The following GAPVD1 variants were observed in gnomAD, a reference collection of about 807,000 sequenced individuals.
The protein encoded by GAPVD1 is GTPase-activating protein and VPS9 domain-containing protein 1.
A neutral mutation model predicts 155.5 loss-of-function variants in GAPVD1; 35 were observed. The observed-to-expected ratio is 0.23, with a 90% confidence interval of 0.17 to 0.30. The LOEUF (loss-of-function observed/expected upper bound fraction) is 0.30. GAPVD1 is among the 10% of genes least tolerant of loss of function. The pLI, the probability that GAPVD1 is intolerant of heterozygous loss-of-function variation, is 1.00. For missense variants in GAPVD1, 1,429 were observed against 1,775.7 expected (o/e 0.80, Z 3.51); for synonymous variants, 636 against 619.7 (o/e 1.03, Z -0.39).
In GAPVD1 at chr9:125,337,325, T is replaced by A. The variant is rs141085941; in HGVS notation, c.2611T>A (p.Leu871Met). ...EGAVGGNEARLPNFGSHVLTP... is the reference protein window; with the variant it reads ...EGAVGGNEARMPNFGSHVLTP... ...AGCTGTGGGAGGAAATGAGGCCAGG[T>A]TGCCAAACTTTGGTTCCCATGTTTT... Residue 871 changes from leucine (L) to methionine (M), a missense_variant, in exon 17 of 28, where the codon TTG becomes ATG. By Grantham distance (15) the Leu-to-Met change is conservative. This residue lies in a region of GAPVD1 where 699 missense variants were observed against 826.0 expected (regional missense o/e 0.85). Coordinates refer to ENST00000297933, the MANE Select transcript of GAPVD1 (RefSeq NM_001282680.3). The A allele has an allele frequency of 6.2e-7, 1 of 1,614,088 alleles. No individual in the cohort carries two copies.
At chr9:125,301,894 C>T (rs1396844577) in intron 4 of GAPVD1, 89 bp from the exon 5 acceptor site, 14 of 1,068,882 alleles carry the variant, frequency 1.3e-5, no homozygotes, top group Non-Finnish European at 1.7e-5. Context: ...CCATAATCAA[C>T]TCACATATCC....
At chr9:125,346,760 A>G (rs1848569003) in intron 19 of GAPVD1, 59 bp from the exon 20 acceptor site, 8 of 1,300,204 alleles carry the variant, frequency 6.2e-6, no homozygotes, top group African/African-American at 1.4e-5. Flanking sequence ...GTGTCATACT[A>G]ACATCAGAGG....
rs1285572910 is a variant in GAPVD1 at position 125,298,905 on chromosome 9, C to G, written c.-17C>G. On this transcript the variant is annotated 5_prime_UTR_variant, in exon 4 of 28. Coordinates refer to ENST00000297933, the MANE Select transcript of GAPVD1 (RefSeq NM_001282680.3). The stretch of plus-strand genomic sequence containing the variant: ...TTACTCTTAGTGATCAGCCTTTGAG[C>G]CTTTCCCACATTGAAGATGGTGAAA... 6.5e-7 allele frequency: 1 copy of G among 1,549,000 alleles called. No individual in the cohort carries two copies. The highest frequency in any genetic ancestry group is 1.4e-5 in the African/African-American group (1 of 73,070).
chr9:125,283,032 A>T lies in GAPVD1; in HGVS notation c.-149-12426A>T, dbSNP rs886183447. 2.7e-4 allele frequency among the ~76,000 whole-genome samples: 36 copies of T among 133,864 alleles called. 1 individual carries two copies. In the South Asian group the frequency reaches 3.5e-3, roughly 13 times the overall value. 87.8% of individuals were successfully genotyped at this position (133,864 alleles called of 152,430 possible). A position where few individuals can be genotyped will look rare whatever the true frequency, so the allele number is the denominator to read the frequency against. On this transcript the variant is annotated intron_variant, in intron 2 of 27. Coordinates refer to ENST00000297933, the MANE Select transcript of GAPVD1 (RefSeq NM_001282680.3). ...TTACTTAAAGTTTATTTTTATTTTTATTTATTTATTTATTTATTTATTTAT... is the reference window on the plus strand; with the variant it reads ...TTACTTAAAGTTTATTTTTATTTTTTTTTATTTATTTATTTATTTATTTAT...
At chr9:125,310,561 C>T (rs1427938369) in intron 8 of GAPVD1, among the ~76,000 whole-genome samples, 6 of 124,740 alleles carry the variant, frequency 4.8e-5, no homozygotes, top group Non-Finnish European at 6.5e-5. Context: ...TTTTTTGAGG[C>T]GGAGTCTAGC....
chr9:125,366,897 G>C lies in GAPVD1; in HGVS notation c.*4151G>C, dbSNP rs1441681562. On this transcript the variant is annotated 3_prime_UTR_variant, in exon 28 of 28. Transcript: ENST00000297933. ...ATCCCACAGGCCTGAGCTCAGCAAG[G>C]GTTCAATTCAAGAGAGATGACGTCT... The C allele has an allele frequency of 2.0e-5, 3 of 152,164 alleles. No individual in the cohort carries two copies. Among genetic ancestry groups the C allele is most frequent in the Non-Finnish European group, 4.4e-5 (3 of 68,040 alleles). 9.4% of individuals were successfully genotyped at this position (152,164 alleles called of 1,614,324 possible).
At chr9:125,344,096 C>T (rs1456527774) in intron 19 of GAPVD1, among the ~76,000 whole-genome samples, 2 of 152,132 alleles carry the variant, frequency 1.3e-5, no homozygotes, top group Non-Finnish European at 2.9e-5. Flanking sequence ...GATTAGCTTC[C>T]TTACTGGTCC....
chr9:125,337,066 C>G lies in GAPVD1; in HGVS notation c.2477C>G (p.Ala826Gly), dbSNP rs1847138078. The change falls in exon 16 of 28, where the codon GCC (alanine) becomes GGC (glycine). Residue 826 changes from alanine to glycine, a missense_variant. Ala to Gly is a moderately conservative substitution (Grantham distance 60). Around this residue, in one of 4 missense-constraint regions of GAPVD1, gnomAD observed 699 missense variants for 826.0 expected, o/e 0.85. Coordinates refer to ENST00000297933, the MANE Select transcript of GAPVD1 (RefSeq NM_001282680.3). Reference protein sequence around the residue: ...SPPSQSESLLAMFDPLSSHEG... With the variant: ...SPPSQSESLLGMFDPLSSHEG... ...CCTTCTCAGTCAGAGTCTCTGCTGGCCATGTTTGATCCACTGTCTTCACAT... is the reference window on the plus strand; with the variant it reads ...CCTTCTCAGTCAGAGTCTCTGCTGGGCATGTTTGATCCACTGTCTTCACAT... 1 of 1,612,772 alleles carries G rather than the reference C, an allele frequency of 6.2e-7. No individual in the cohort carries two copies. The highest frequency in any genetic ancestry group is 8.5e-7 in the Non-Finnish European group (1 of 1,178,900).
intron 20 of GAPVD1, among the ~76,000 whole-genome samples, chr9:125,347,596 A>G (rs987905210): frequency 6.6e-6 from 1 of 152,016 alleles, no homozygotes; most frequent in Admixed American, 6.6e-5. Context: ...AAGTGGTGGC[A>G]GATGCCTGTA....
intron 1 of GAPVD1, among the ~76,000 whole-genome samples, chr9:125,266,220 G>A (rs920533562): frequency 2.0e-5 from 3 of 151,282 alleles, no homozygotes; most frequent in South Asian, 2.1e-4. Flanking sequence ...TCCGTCTCCC[G>A]GGTTCCAGCA....
intron 10 of GAPVD1, among the ~76,000 whole-genome samples, chr9:125,322,504 A>G (rs1316929875): frequency 1.3e-5 from 2 of 152,248 alleles, no homozygotes; most frequent in Non-Finnish European, 2.9e-5. Context: ...AAAACAGAGA[A>G]ATAGAATCAC....
Position 125,302,383 on chromosome 9 carries a change from C to T in GAPVD1, c.586C>T (p.Leu196Phe), listed in dbSNP as rs985883208. ...AGGACTGTTTTCTGCCAAACTTTTC[C>T]TCACAGCCACTTTACATGAGCCAAT... ...SEGLFSAKLFLTATLHEPIMQ... is the reference protein window; with the variant it reads ...SEGLFSAKLFFTATLHEPIMQ... Residue 196 changes from leucine (L) to phenylalanine (F), a missense_variant, in exon 5 of 28, where the codon CTC becomes TTC. Leu to Phe is a conservative substitution (Grantham distance 22). Transcript: ENST00000297933. 1 of 1,614,034 alleles carries T rather than the reference C, an allele frequency of 6.2e-7. No homozygotes were observed. Among genetic ancestry groups the T allele is most frequent in the Non-Finnish European group, 8.5e-7 (1 of 1,180,002 alleles).
intron 2 of GAPVD1, among the ~76,000 whole-genome samples, chr9:125,280,562 A>C (rs1020145605): frequency 6.6e-6 from 1 of 150,508 alleles, no homozygotes; most frequent in Admixed American, 6.6e-5. Flanking sequence ...TTCAAGCTCA[A>C]CTGTTACTAC....
intron 25 of GAPVD1, among the ~76,000 whole-genome samples, chr9:125,357,990 C>G (rs1158791021): frequency 6.6e-6 from 1 of 151,200 alleles, no homozygotes; most frequent in Admixed American, 6.6e-5. Context: ...AAAAAAAACA[C>G]ACACACACAC....
Position 125,346,378 on chromosome 9 carries a change from G to C in GAPVD1, c.3047-441G>C, listed in dbSNP as rs997582968. 1.5e-5 allele frequency: 3 copies of C among 205,204 alleles called. No individual in the cohort carries two copies. In the Admixed American group the frequency reaches 1.7e-4, roughly 11 times the overall value. The allele number at this position is 205,204 out of a possible 1,614,324, so 12.7% of individuals were successfully genotyped here. ...AAAGGAAGAATGGAAAAAGACATTTGTTATTATTTAAAGGGGTTTAAGTCT... is the reference window on the plus strand; with the variant it reads ...AAAGGAAGAATGGAAAAAGACATTTCTTATTATTTAAAGGGGTTTAAGTCT... On this transcript the variant is annotated intron_variant, in intron 19 of 27. Coordinates refer to ENST00000297933, the MANE Select transcript of GAPVD1 (RefSeq NM_001282680.3).
In GAPVD1 at chr9:125,307,706, A is replaced by T. The variant is rs1842075070; in HGVS notation, c.1267A>T (p.Ser423Cys). The stretch of plus-strand genomic sequence containing the variant: ...CTTTTGCCAGGTGAATTTTATGAAG[A>T]GTGTGATGTCTGGAGATCAACTGAG... ...QLITLVNFMK[S>C]VMSGDQLRED... The change falls in exon 8 of 28, where the codon AGT (serine) becomes TGT (cysteine). Residue 423 changes from serine to cysteine, a missense_variant. Coordinates refer to ENST00000297933, the MANE Select transcript of GAPVD1 (RefSeq NM_001282680.3). 8.7e-6 allele frequency: 14 copies of T among 1,613,708 alleles called. No individual in the cohort carries two copies. The highest frequency in any genetic ancestry group is 1.2e-5 in the Non-Finnish European group (14 of 1,179,618).
intron 17 of GAPVD1, among the ~76,000 whole-genome samples, chr9:125,339,418 T>A (rs1045186649): frequency 2.0e-5 from 3 of 152,224 alleles, no homozygotes; most frequent in African/African-American, 7.2e-5. Context: ...CTACTATTCT[T>A]TGAGCATATC....
At chr9:125,306,327 C>T (rs1841790957) in intron 6 of GAPVD1, among the ~76,000 whole-genome samples, 1 of 151,690 alleles carries the variant, frequency 6.6e-6, no homozygotes, top group African/African-American at 2.4e-5. Context: ...CACGCCTGGC[C>T]CCCAAAAGAT....
intron 8 of GAPVD1, among the ~76,000 whole-genome samples, chr9:125,311,168 C>T (rs914273132): frequency 2.6e-5 from 4 of 152,144 alleles, no homozygotes; most frequent in African/African-American, 9.7e-5. Flanking sequence ...TATTTTTCAT[C>T]TGCTTATACA....
Sources: gnomAD v4.1 joint callset for allele counts (sites outside exome capture counted in the v4.1 genomes callset) on GRCh38, gnomAD v4.1.1 for gene constraint, gnomAD v4.1.1 regional missense constraint, MANE v1.5 for transcripts, NCBI Gene and HGNC (gene_info 2026-07-23, HGNC 2026-07-21) for gene names.